The following SENP6 variants were observed in gnomAD, a reference collection of about 807,000 sequenced individuals.
The protein encoded by SENP6 is SUMO specific peptidase 6, also known as sentrin-specific protease 6.
Under a neutral mutation model 134.5 loss-of-function variants are expected in SENP6, and 41 were observed. The observed-to-expected ratio is 0.30, with a 90% confidence interval of 0.24 to 0.40. The LOEUF is 0.40. Ranked by LOEUF, SENP6 falls within the 10% of genes least tolerant of loss-of-function variation. The pLI is 1.00. For synonymous variants in SENP6, 395 were observed against 429.8 expected (o/e 0.92, Z 1.00); for missense variants, 1,248 against 1,312.5 (o/e 0.95, Z 0.76).
At chr6:75,632,029 T>G (rs1392725611) in intron 3 of SENP6, among the ~76,000 whole-genome samples, 1 of 152,208 alleles carries the variant, frequency 6.6e-6, no homozygotes, top group Non-Finnish European at 1.5e-5. Flanking sequence ...TGTGGGTTCT[T>G]AAACACTCTG....
Position 75,703,034 on chromosome 6 carries a change from G to T in SENP6, c.2678G>T (p.Gly893Val), listed in dbSNP as rs752520348. The change falls in exon 19 of 24, where the codon GGC (glycine) becomes GTC (valine). Residue 893 changes from glycine to valine, a missense_variant. Gly to Val is a moderately radical substitution (Grantham distance 109). Coordinates refer to ENST00000447266, the MANE Select transcript of SENP6 (RefSeq NM_015571.4). ...GCTGATAGGACTAAAAGTGAGAATGGCCTACAGAATGAAAGTTTAAGTTCC... is the reference window on the plus strand; with the variant it reads ...GCTGATAGGACTAAAAGTGAGAATGTCCTACAGAATGAAAGTTTAAGTTCC... ...KVADRTKSEN[G>V]LQNESLSSTH... 6.2e-7 allele frequency: 1 copy of T among 1,611,380 alleles called. No homozygotes were observed. Among genetic ancestry groups the T allele is most frequent in the Non-Finnish European group, 8.5e-7 (1 of 1,179,206 alleles).
intron 12 of SENP6, 177 bp from the exon 13 acceptor site, chr6:75,675,683 A>T (rs1271094323): frequency 2.5e-6 from 2 of 800,370 alleles, no homozygotes; most frequent in Non-Finnish European, 4.0e-6. Context: ...GAAAAAATAA[A>T]AAAGTTTCTT....
At chr6:75,677,490 C>G (rs937146240) in intron 14 of SENP6, 2 of 341,518 alleles carry the variant, frequency 5.9e-6, no homozygotes, top group Non-Finnish European at 1.1e-5. Flanking sequence ...ACATTCTATC[C>G]TTATCTTTAC....
At chr6:75,686,144 A>T (rs2149886731) in intron 16 of SENP6, among the ~76,000 whole-genome samples, 1 of 152,296 alleles carries the variant, frequency 6.6e-6, no homozygotes, top group Middle Eastern at 3.4e-3. Flanking sequence ...CTTTACCATT[A>T]TGTAATGGCC....
At chr6:75,617,634 T>C (rs1365951031) in intron 1 of SENP6, among the ~76,000 whole-genome samples, 2 of 152,202 alleles carry the variant, frequency 1.3e-5, no homozygotes, top group African/African-American at 4.8e-5. Flanking sequence ...TGCCACCAAA[T>C]ATAGCCAGTG....
intron 3 of SENP6, among the ~76,000 whole-genome samples, chr6:75,632,104 T>A (rs1350173269): frequency 2.0e-5 from 3 of 152,250 alleles, no homozygotes; most frequent in Non-Finnish European, 4.4e-5. Context: ...AGTTAAGCTG[T>A]CCTTTCATGT....
At chr6:75,693,469 C>T (rs976165674) in intron 16 of SENP6, among the ~76,000 whole-genome samples, 1 of 150,380 alleles carries the variant, frequency 6.6e-6, no homozygotes, top group Non-Finnish European at 1.5e-5. Context: ...GCAAAAGTCT[C>T]ATGGTTCACT....
At chr6:75,676,171 A>G (rs982785514) in intron 13 of SENP6, 117 bp downstream of exon 13, 3 of 551,824 alleles carry the variant, frequency 5.4e-6, no homozygotes, top group South Asian at 3.8e-5. Flanking sequence ...ATTATCTACA[A>G]TTGTCACAGC....
chr6:75,711,317 G>A lies in SENP6; in HGVS notation c.2821-11G>A. On this transcript the variant is annotated splice_polypyrimidine_tract_variant and intron_variant, in intron 20 of 23. Coordinates refer to ENST00000447266, the MANE Select transcript of SENP6 (RefSeq NM_015571.4). ...ATATTTTCAGTATTAACAGTAGGCT[G>A]TCTTTTATAGGATGATAGCAGTGAC... 1 of 1,599,858 alleles carries A rather than the reference G, an allele frequency of 6.3e-7. No homozygotes were observed. Among genetic ancestry groups the A allele is most frequent in the Non-Finnish European group, 8.6e-7 (1 of 1,168,454 alleles).
intron 1 of SENP6, among the ~76,000 whole-genome samples, chr6:75,616,133 T>C (rs928909064): frequency 6.6e-6 from 1 of 152,174 alleles, no homozygotes; most frequent in Admixed American, 6.5e-5. Flanking sequence ...TGGAGAAAAC[T>C]TTAGGTGTTT....
At chr6:75,676,149 C>A (rs1262193270) in intron 13 of SENP6, 95 bp downstream of exon 13, 4 of 724,036 alleles carry the variant, frequency 5.5e-6, no homozygotes, top group Non-Finnish European at 2.1e-6. Flanking sequence ...TTGACAGATG[C>A]CTTAGGTGTA....
chr6:75,695,272 T>C (rs1478926243), intron 16 of SENP6, among the ~76,000 whole-genome samples: 1 of 152,240 alleles, frequency 6.6e-6, no homozygotes, highest in East Asian at 1.9e-4. Flanking sequence ...GCATAGAATG[T>C]GTCCTTGTTT....
Position 75,703,081 on chromosome 6 carries a change from C to G in SENP6, c.2716+9C>G. The G allele has an allele frequency of 6.5e-7, 1 of 1,543,054 alleles. No individual in the cohort carries two copies. On this transcript the variant is annotated intron_variant, in intron 19 of 23. Transcript: ENST00000447266. ...TTCCACACATCATACAGGTATGTAT[C>G]TAAATGTTTTGAAAGAATGAAAAAA...
intron 17 of SENP6, among the ~76,000 whole-genome samples, chr6:75,696,816 A>C (rs1774694624): frequency 6.6e-6 from 1 of 152,176 alleles, no homozygotes; most frequent in Non-Finnish European, 1.5e-5. Flanking sequence ...GATGGCATCT[A>C]GCTCTGATAA....
rs1038177571 is a variant in SENP6, at chr6:75,660,505, A to G, written c.696+1098A>G. Among the ~76,000 whole-genome samples, 8 of 152,270 alleles carry G rather than the reference A, an allele frequency of 5.3e-5. No individual in the cohort carries two copies. In the East Asian group the frequency reaches 1.5e-3, roughly 29 times the overall value. ...TACCTTGATGCTTCAATTGTCCCAG[A>G]TTCCATGTGAGTCCCTTCAAGCTGG... is the stretch of plus-strand genomic sequence containing the variant. On this transcript the variant is annotated intron_variant, in intron 8 of 23. Coordinates refer to ENST00000447266, the MANE Select transcript of SENP6 (RefSeq NM_015571.4).
chr6:75,632,806 A>C (rs904038967), intron 3 of SENP6, among the ~76,000 whole-genome samples: 6 of 152,186 alleles, frequency 3.9e-5, no homozygotes, highest in Non-Finnish European at 8.8e-5. Flanking sequence ...TCAGCCATAA[A>C]ATTTTAAAAA....
At chr6:75,635,595 C>T (rs1475197078) in intron 5 of SENP6, among the ~76,000 whole-genome samples, 1 of 152,012 alleles carries the variant, frequency 6.6e-6, no homozygotes, top group South Asian at 2.1e-4. Context: ...GTTAAGTAAC[C>T]TCATACTTTA....
intron 16 of SENP6, among the ~76,000 whole-genome samples, chr6:75,682,697 T>G (rs1446050387): frequency 6.6e-6 from 1 of 152,170 alleles, no homozygotes; most frequent in Non-Finnish European, 1.5e-5. Context: ...AGAATGATAG[T>G]TTCCAGCTTC....
intron 1 of SENP6, among the ~76,000 whole-genome samples, chr6:75,618,136 G>A (rs1006994203): frequency 3.9e-5 from 6 of 152,082 alleles, no homozygotes; most frequent in Non-Finnish European, 5.9e-5. Context: ...TGTTTTTGAC[G>A]TAAGTTACCA....
Sources: allele counts gnomAD v4.1 joint callset (sites outside exome capture counted in the v4.1 genomes callset), GRCh38; gene constraint gnomAD v4.1.1; transcripts MANE v1.5; gene names NCBI Gene and HGNC (gene_info 2026-07-23, HGNC 2026-07-21).